Variants in SLC9B1 observed in about 807,000 individuals in gnomAD.
SLC9B1 encodes the protein solute carrier family 9 member B1.
Under a neutral mutation model 51.7 loss-of-function variants are expected in SLC9B1, and 32 were observed. The observed-to-expected ratio is 0.62, with a 90% CI of 0.47 to 0.83. The LOEUF is 0.83. SLC9B1 is among the 40% of genes least tolerant of loss of function. The probability of loss-of-function intolerance (pLI) is 0.00; values close to 1 mark genes in which losing one functional copy is unlikely to be tolerated. For synonymous variants in SLC9B1, 145 were observed against 212.7 expected (o/e 0.68, Z 2.77); for missense variants, 406 against 613.2 (o/e 0.66, Z 3.57).
intron 3 of SLC9B1, chr4:102,963,129 G>A (rs1738226921): frequency 2.8e-6 from 1 of 362,460 alleles, no homozygotes; most frequent in South Asian, 2.1e-5. Context: ...TCAGTAAGGA[G>A]CTCAGTGGCA....
At chr4:102,979,820 G>C (rs1739261445) in intron 3 of SLC9B1, among the ~76,000 whole-genome samples, 1 of 151,960 alleles carries the variant, frequency 6.6e-6, no homozygotes, top group Admixed American at 6.6e-5. Context: ...CTACAGAATG[G>C]GAGAAAATTT....
intron 3 of SLC9B1, 43 bp downstream of exon 3, chr4:102,989,755 CAT>C: frequency 7.4e-7 from 1 of 1,349,242 alleles, no homozygotes; most frequent in Admixed American, 2.3e-5. Flanking sequence ...ATTTATCAAA[CAT>C]ATTTCTCATC....
chr4:102,980,356 C>T (rs1292987483), intron 3 of SLC9B1, among the ~76,000 whole-genome samples: 1 of 152,118 alleles, frequency 6.6e-6, no homozygotes, highest in Non-Finnish European at 1.5e-5. Context: ...AAATGCCCAT[C>T]AATGATAGAC....
chr4:103,017,680 C>A (rs560925832), intron 1 of SLC9B1, among the ~76,000 whole-genome samples: 2 of 136,142 alleles, frequency 1.5e-5, no homozygotes, highest in Admixed American at 7.4e-5. Flanking sequence ...AACCCCTCCC[C>A]CAGTCTTAAG....
At chr4:102,958,374 T>C (rs1737913213) in intron 3 of SLC9B1, among the ~76,000 whole-genome samples, 1 of 152,252 alleles carries the variant, frequency 6.6e-6, no homozygotes, top group African/African-American at 2.4e-5. Context: ...AGCAGATGCC[T>C]GCATGCTTCC....
intron 7 of SLC9B1, among the ~76,000 whole-genome samples, chr4:102,914,081 G>T (rs1735471647): frequency 6.6e-6 from 1 of 151,882 alleles, no homozygotes. Context: ...AGATAATTTG[G>T]CAGGTAGGGG....
chr4:102,906,365 AAG>A, intron 10 of SLC9B1, 169 bp downstream of exon 10: 1 of 400,116 alleles, frequency 2.5e-6, no homozygotes, highest in Non-Finnish European at 4.4e-6. Flanking sequence ...ATAAAAAAAA[AAG>A]AGCACCCAGT....
chr4:102,926,140 A>T (rs1736160185), intron 7 of SLC9B1, among the ~76,000 whole-genome samples: 1 of 152,310 alleles, frequency 6.6e-6, no homozygotes, highest in African/African-American at 2.4e-5. Context: ...AGCCAATATC[A>T]TACTGAATGG....
chr4:102,998,592 C>G (rs979597133), intron 1 of SLC9B1, among the ~76,000 whole-genome samples: 1 of 141,312 alleles, frequency 7.1e-6, no homozygotes, highest in African/African-American at 2.8e-5. Context: ...TTGGAGGAAC[C>G]ATCATCATAT....
chr4:102,961,239 G>A (rs550022224), intron 3 of SLC9B1, among the ~76,000 whole-genome samples: 1 of 152,352 alleles, frequency 6.6e-6, no homozygotes, highest in East Asian at 1.9e-4. Context: ...TCCTGAAAGT[G>A]TTAATAACTT....
At chr4:103,013,390 T>C (rs1372999051) in intron 1 of SLC9B1, among the ~76,000 whole-genome samples, 2 of 152,212 alleles carry the variant, frequency 1.3e-5, no homozygotes, top group Admixed American at 6.5e-5. Context: ...TCCTTACCTC[T>C]CTGGTGTCCT....
At chr4:102,963,305 G>T (rs932480669) in intron 3 of SLC9B1, 17 of 298,250 alleles carry the variant, frequency 5.7e-5, no homozygotes, top group African/African-American at 3.4e-4. Flanking sequence ...TGCCACCACA[G>T]CCTTCTCTTT....
intron 3 of SLC9B1, chr4:102,962,247 T>C (rs920711659): frequency 1.9e-6 from 1 of 539,348 alleles, no homozygotes; most frequent in South Asian, 1.4e-5. Flanking sequence ...TTGAGGGGAG[T>C]TGATGACCTT....
chr4:102,966,813 A>G (rs1297408080), intron 3 of SLC9B1, among the ~76,000 whole-genome samples: 1 of 152,148 alleles, frequency 6.6e-6, no homozygotes, highest in East Asian at 1.9e-4. Context: ...ATGCTCTTTC[A>G]TTCTCTACCA....
chr4:102,950,959 C>T (rs1281569220), intron 3 of SLC9B1, among the ~76,000 whole-genome samples: 3 of 152,188 alleles, frequency 2.0e-5, no homozygotes, highest in South Asian at 4.1e-4. Flanking sequence ...GGCGCCACTT[C>T]ACTCCAGCCT....
At chr4:102,962,440 C>T (rs997022317) in intron 3 of SLC9B1, 1 of 518,444 alleles carries the variant, frequency 1.9e-6, no homozygotes, top group Admixed American at 2.1e-5. Flanking sequence ...ACTGAATACA[C>T]TAGAAAATAC....
downstream of SLC9B1, chr4:102,896,820 T>G (rs1302258020): frequency 1.3e-5 from 2 of 152,550 alleles, no homozygotes; most frequent in Non-Finnish European, 2.9e-5. Flanking sequence ...GAAAGTTCTA[T>G]TAAAAAATGA....
Position 102,941,349 on chromosome 4 carries a change from T to G in SLC9B1, c.653+3844A>C, listed in dbSNP as rs1736984779. On this transcript the variant is annotated intron_variant, in intron 6 of 11. Coordinates refer to ENST00000296422, the MANE Select transcript of SLC9B1 (RefSeq NM_139173.4). ...ATGGGCAAAGGAGAGGACCAGACACTTCTCAAAAGAAGACAAACACGTAGT... is the reference window on the plus strand; with the variant it reads ...ATGGGCAAAGGAGAGGACCAGACACGTCTCAAAAGAAGACAAACACGTAGT... The G allele has an allele frequency of 7.8e-6, 3 of 386,618 alleles. No homozygotes were observed. In the Admixed American group the frequency reaches 7.9e-5, roughly 10 times the overall value. The allele number at this position is 386,618 out of a possible 1,614,324, so 23.9% of individuals were successfully genotyped here. A position where few individuals can be genotyped will look rare whatever the true frequency, so the allele number is the denominator to read the frequency against.
intron 3 of SLC9B1, among the ~76,000 whole-genome samples, chr4:102,959,066 A>G (rs1424404858): frequency 6.6e-6 from 1 of 152,202 alleles, no homozygotes; most frequent in Non-Finnish European, 1.5e-5. Flanking sequence ...TGCAAGTCCA[A>G]CCATATCAAT....
Sources: gnomAD v4.1 joint callset for allele counts (sites outside exome capture counted in the v4.1 genomes callset) on GRCh38, gnomAD v4.1.1 for gene constraint, MANE v1.5 for transcripts, NCBI Gene and HGNC (gene_info 2026-07-23, HGNC 2026-07-21) for gene names.